The following GRIK3 variants were observed in gnomAD, a reference collection of about 807,000 sequenced individuals.
GRIK3 encodes the protein glutamate receptor ionotropic, kainate 3.
Under a neutral mutation model 102.5 loss-of-function variants are expected in GRIK3, and 29 were observed. The ratio of observed to expected loss-of-function variants is 0.28; its 90% CI spans 0.21 to 0.39. The LOEUF (loss-of-function observed/expected upper bound fraction) is 0.39. GRIK3 is among the 10% of genes least tolerant of loss of function. The pLI is 1.00. For missense variants in GRIK3, 908 were observed against 1,252.4 expected (o/e 0.73, Z 4.15); for synonymous variants, 511 against 504.9 (o/e 1.01, Z -0.16).
chr1:36,920,323 C>A (rs151180271), intron 1 of GRIK3, among the ~76,000 whole-genome samples: 10 of 152,192 alleles, frequency 6.6e-5, no homozygotes, highest in African/African-American at 2.4e-4. Context: ...GGAATTTTGC[C>A]TCCCAGGGCT....
chr1:36,865,159 T>C (rs946760838), intron 5 of GRIK3, among the ~76,000 whole-genome samples: 26 of 152,316 alleles, frequency 1.7e-4, no homozygotes, highest in African/African-American at 6.3e-4. Context: ...TGATTGCTTA[T>C]CTATTAATTT....
At chr1:36,860,071 A>C in intron 5 of GRIK3, 54 bp from the exon 6 acceptor site, 1 of 1,395,506 alleles carries the variant, frequency 7.2e-7, no homozygotes, top group Non-Finnish European at 9.8e-7. Flanking sequence ...TGAGAACTCC[A>C]GCCCCGCCTC....
At chr1:36,979,979 C>T (rs1244301259) in intron 1 of GRIK3, among the ~76,000 whole-genome samples, 2 of 152,198 alleles carry the variant, frequency 1.3e-5, no homozygotes, top group African/African-American at 4.8e-5. Flanking sequence ...TGAGAGGACA[C>T]CCTCTTGAGT....
At chr1:36,854,154 G>C (rs1016986715) in intron 7 of GRIK3, among the ~76,000 whole-genome samples, 1 of 152,164 alleles carries the variant, frequency 6.6e-6, no homozygotes, top group Non-Finnish European at 1.5e-5. Context: ...CGAAAGGCAG[G>C]GGAGACCGAA....
chr1:37,034,124 A>T lies in GRIK3; in HGVS notation c.-16T>A. 1 of 1,437,278 alleles carries T rather than the reference A, an allele frequency of 7.0e-7. No homozygotes were observed. Among genetic ancestry groups the T allele is most frequent in the Non-Finnish European group, 9.5e-7 (1 of 1,049,254 alleles). 89.0% of individuals were successfully genotyped at this position (1,437,278 alleles called of 1,614,324 possible). A position where few individuals can be genotyped will look rare whatever the true frequency, so the allele number is the denominator to read the frequency against. On this transcript the variant is annotated 5_prime_UTR_variant, in exon 1 of 16. Coordinates refer to ENST00000373091, the MANE Select transcript of GRIK3 (RefSeq NM_000831.4). ...GAGCGGTCATCGTTGGGCGCCGCCG[A>T]GCGTGCCCGGGGCGCGGCCGTGGCG...
chr1:36,879,442 G>A (rs1640942248), intron 3 of GRIK3, among the ~76,000 whole-genome samples: 1 of 152,220 alleles, frequency 6.6e-6, no homozygotes, highest in African/African-American at 2.4e-5. Flanking sequence ...ATAGTGAGCT[G>A]TGGTGGCACC....
chr1:36,990,023 G>T (rs148632584), intron 1 of GRIK3, among the ~76,000 whole-genome samples: 5 of 152,262 alleles, frequency 3.3e-5, no homozygotes, highest in Non-Finnish European at 5.9e-5. Flanking sequence ...ATAAGGGAGG[G>T]CAGCAGGGAT....
chr1:36,990,145 G>A (rs924341021), intron 1 of GRIK3, among the ~76,000 whole-genome samples: 11 of 152,032 alleles, frequency 7.2e-5, no homozygotes, highest in African/African-American at 2.7e-4. Context: ...CCAGAAACCC[G>A]GACCTGCCTG....
At chr1:36,854,563 C>T (rs1404759124) in intron 7 of GRIK3, among the ~76,000 whole-genome samples, 3 of 152,092 alleles carry the variant, frequency 2.0e-5, no homozygotes, top group African/African-American at 7.2e-5. Context: ...TCAACCTGGC[C>T]CCTGGCTGCT....
At chr1:36,811,443 C>T (rs574236473) in intron 13 of GRIK3, among the ~76,000 whole-genome samples, 39 of 152,222 alleles carry the variant, frequency 2.6e-4, no homozygotes, top group African/African-American at 5.3e-4. Flanking sequence ...TATAAATAAG[C>T]GATGTGTGGC....
At chr1:36,895,205 C>T (rs1230520865) in intron 1 of GRIK3, among the ~76,000 whole-genome samples, 1 of 152,050 alleles carries the variant, frequency 6.6e-6, no homozygotes, top group East Asian at 1.9e-4. Flanking sequence ...TACTTTTACC[C>T]AGTGCATCAT....
At chr1:36,852,727 C>T (rs1336861030) in intron 8 of GRIK3, among the ~76,000 whole-genome samples, 1 of 152,206 alleles carries the variant, frequency 6.6e-6, no homozygotes, top group African/African-American at 2.4e-5. Context: ...GTGGCCCCTC[C>T]ACTCTGCTGG....
intron 9 of GRIK3, among the ~76,000 whole-genome samples, chr1:36,845,813 A>T (rs1421666496): frequency 6.6e-6 from 1 of 152,210 alleles, no homozygotes; most frequent in Non-Finnish European, 1.5e-5. Flanking sequence ...AATCGTTCCC[A>T]GCCTGGGATA....
At chr1:36,951,602 G>C (rs776630546) in intron 1 of GRIK3, among the ~76,000 whole-genome samples, 12 of 152,250 alleles carry the variant, frequency 7.9e-5, no homozygotes, top group Non-Finnish European at 1.8e-4. Context: ...CCTGCATTGG[G>C]GGACTGGCCT....
At chr1:36,877,645 T>G (rs995799265) in intron 3 of GRIK3, among the ~76,000 whole-genome samples, 4 of 152,286 alleles carry the variant, frequency 2.6e-5, no homozygotes, top group South Asian at 2.1e-4. Flanking sequence ...CTGAATCCTC[T>G]CCCCTAGCCA....
In GRIK3 at chr1:36,934,742, T is replaced by G. The variant is rs1380481507; in HGVS notation, c.116-43646A>C. ...AGACACAATGGAAACACATTTAATG[T>G]GGGAAGATGGAGCAGGGGAGTTCAG... On this transcript the variant is annotated intron_variant, in intron 1 of 15. Transcript: ENST00000373091. Among the ~76,000 whole-genome samples, 3 of 152,204 alleles carry G rather than the reference T, an allele frequency of 2.0e-5. No homozygotes were observed. The East Asian group carries it at 5.8e-4, about 29-fold the overall frequency.
chr1:36,882,887 G>A (rs1311428232), intron 2 of GRIK3, among the ~76,000 whole-genome samples: 1 of 152,176 alleles, frequency 6.6e-6, no homozygotes, highest in Non-Finnish European at 1.5e-5. Flanking sequence ...CAAGACTTAC[G>A]CCATTTAGGT....
chr1:37,028,426 C>A (rs1642785576), intron 1 of GRIK3, among the ~76,000 whole-genome samples: 1 of 152,070 alleles, frequency 6.6e-6, no homozygotes, highest in South Asian at 2.1e-4. Flanking sequence ...GGATGTAGTA[C>A]ATGGAAGGAT....
intron 1 of GRIK3, among the ~76,000 whole-genome samples, chr1:36,912,023 C>A (rs1641350924): frequency 6.6e-6 from 1 of 152,154 alleles, no homozygotes; most frequent in South Asian, 2.1e-4. Flanking sequence ...CCCCATCCAG[C>A]CCAGCCTCTC....
Sources: allele counts gnomAD v4.1 joint callset (sites outside exome capture counted in the v4.1 genomes callset), GRCh38; gene constraint gnomAD v4.1.1; transcripts MANE v1.5; gene names NCBI Gene and HGNC (gene_info 2026-07-23, HGNC 2026-07-21).